Variants in PCLO observed in about 807,000 individuals in gnomAD.
The protein encoded by PCLO is protein piccolo.
Under a neutral mutation model 427.5 loss-of-function variants are expected in PCLO, and 82 were observed. The observed-to-expected ratio is 0.19, with a 90% confidence interval of 0.16 to 0.23. The LOEUF (loss-of-function observed/expected upper bound fraction) is 0.23, where lower values mean the gene tolerates loss of function less well. Ranked by LOEUF, PCLO falls within the 10% of genes least tolerant of loss-of-function variation. The probability of loss-of-function intolerance (pLI) is 1.00; values close to 1 mark genes in which losing one functional copy is unlikely to be tolerated. For missense variants in PCLO, 6,239 were observed against 6,115.9 expected (o/e 1.02, Z -0.67); for synonymous variants, 2,357 against 2,155.4 (o/e 1.09, Z -2.59).
rs373672367 is a variant in PCLO, at chr7:82,758,741, A to C, written c.15289-26T>G. 5 of 1,424,956 alleles carry C rather than the reference A, an allele frequency of 3.5e-6. No individual in the cohort carries two copies. The African/African-American group carries it at 5.7e-5, about 16-fold the overall frequency. The allele number at this position is 1,424,956 out of a possible 1,614,324, so 88.3% of individuals were successfully genotyped here. A position where few individuals can be genotyped will look rare whatever the true frequency, so the allele number is the denominator to read the frequency against. On this transcript the variant is annotated intron_variant, in intron 24 of 24. Coordinates refer to ENST00000333891, the MANE Select transcript of PCLO (RefSeq NM_033026.6). ...CTAGAAAAAATAGGCAAAAATAAAC[A>C]TATTTAATTTATACACATATACATG...
At chr7:82,798,321 G>A (rs2129468583) in intron 22 of PCLO, among the ~76,000 whole-genome samples, 1 of 152,204 alleles carries the variant, frequency 6.6e-6, no homozygotes, top group East Asian at 1.9e-4. Context: ...GGATTGAATG[G>A]AGGAAAAATA....
chr7:83,085,117 C>G (rs1385659769), intron 3 of PCLO, among the ~76,000 whole-genome samples: 1 of 152,106 alleles, frequency 6.6e-6, no homozygotes, highest in Non-Finnish European at 1.5e-5. Context: ...CAATGATGCA[C>G]AATTCATGCA....
At chr7:83,041,980 A>G (rs1229528780) in intron 3 of PCLO, among the ~76,000 whole-genome samples, 1 of 152,058 alleles carries the variant, frequency 6.6e-6, no homozygotes, top group African/African-American at 2.4e-5. Flanking sequence ...TTCTGGTGGA[A>G]CTCAGACTTT....
At chr7:82,819,398 A>G (rs927471121) in intron 20 of PCLO, among the ~76,000 whole-genome samples, 1 of 152,108 alleles carries the variant, frequency 6.6e-6, no homozygotes, top group Non-Finnish European at 1.5e-5. Flanking sequence ...TGTCATATAG[A>G]AACACTTAAG....
At position 82,915,153 on chromosome 7, in the gene PCLO, T is replaced by C; in HGVS notation, c.12833A>G (p.Glu4278Gly). 1 of 1,594,898 alleles carries C rather than the reference T, an allele frequency of 6.3e-7. No homozygotes were observed. Among genetic ancestry groups the C allele is most frequent in the Non-Finnish European group, 8.5e-7 (1 of 1,169,786 alleles). Residue 4278 changes from glutamate (E) to glycine (G), a missense_variant, in exon 7 of 25, where the codon GAA becomes GGA. By Grantham distance (98) the Glu-to-Gly change is moderately conservative (BLOSUM62 -2). Transcript: ENST00000333891. Reference protein sequence around the residue: ...GNTIRSALQDEADKPYSSGSR... With the variant: ...GNTIRSALQDGADKPYSSGSR... ...GCCACTACTGTATGGCTTATCCGCT[T>C]CATCCTGCAGAGCTGAGCGTATGGT...
Position 83,134,477 on chromosome 7 carries a change from T to G in PCLO, c.3073A>C (p.Lys1025Gln). ...CTATCCTTAATAGGTGGTGGCTTTT[T>G]TTCTGTTTCTGTTCTTTTTACTGTT... ...APTVKRTETE[K>Q]KPPPIKDSKS... The change falls in exon 3 of 25, where the codon AAA becomes CAA. Residue 1025 changes from lysine (K) to glutamine (Q), a missense_variant. By Grantham distance (53) the Lys-to-Gln change is moderately conservative (BLOSUM62 1). Transcript: ENST00000333891. 6.2e-7 allele frequency: 1 copy of G among 1,613,392 alleles called. No individual in the cohort carries two copies. The highest frequency in any genetic ancestry group is 8.5e-7 in the Non-Finnish European group (1 of 1,179,778).
intron 20 of PCLO, among the ~76,000 whole-genome samples, chr7:82,809,304 T>A (rs1460484626): frequency 6.6e-6 from 1 of 151,806 alleles, no homozygotes; most frequent in African/African-American, 2.4e-5. Context: ...GGAAGCCCTC[T>A]CAGTCCATTC....
intron 3 of PCLO, among the ~76,000 whole-genome samples, chr7:83,071,359 T>C (rs1424259044): frequency 6.6e-6 from 1 of 152,224 alleles, no homozygotes; most frequent in African/African-American, 2.4e-5. Context: ...TATGCGGTAC[T>C]ATTTTCTTTC....
Position 82,760,651 on chromosome 7 carries a change from T to C in PCLO, c.15276A>G (p.Gly5092=). ...AATACAGAGCTACCTGAAGAGAATGTCCTGCAGGACTTAGACTGAATCGAA... is the reference window on the plus strand; with the variant it reads ...AATACAGAGCTACCTGAAGAGAATGCCCTGCAGGACTTAGACTGAATCGAA... ...ETFRFSLSPA[G]HSLQILLFSN... Residue 5092 remains glycine, a synonymous_variant, in exon 24 of 25, where the codon GGA becomes GGG. Transcript: ENST00000333891. 6.3e-7 allele frequency: 1 copy of C among 1,596,310 alleles called. No individual in the cohort carries two copies. The highest frequency in any genetic ancestry group is 2.2e-5 in the East Asian group (1 of 44,530).
chr7:83,110,824 C>A (rs1043449053), intron 3 of PCLO, among the ~76,000 whole-genome samples: 1 of 152,170 alleles, frequency 6.6e-6, no homozygotes, highest in Non-Finnish European at 1.5e-5. Flanking sequence ...CCCTGTCAAA[C>A]CCATCTCCTC....
intron 1 of PCLO, among the ~76,000 whole-genome samples, chr7:83,158,263 A>C (rs1792348631): frequency 6.6e-6 from 1 of 152,114 alleles, no homozygotes. Context: ...AATAGTTCCA[A>C]GCTAGCTCTT....
intron 3 of PCLO, among the ~76,000 whole-genome samples, chr7:82,968,982 T>C (rs144695862): frequency 4.3e-4 from 65 of 152,260 alleles, no homozygotes; most frequent in Admixed American, 7.8e-4. Flanking sequence ...ACCAGAAATA[T>C]AGGTTTCATG....
In PCLO at chr7:82,966,119, T is replaced by G. The variant is rs10235352; in HGVS notation, c.3669A>C (p.Glu1223Asp). ...TTTCTTCAGAACGTATCTTTTCTTC[T>G]TCAGGGATTAGTTTTTTTTCTTCAG... The part of the protein sequence containing the change: ...PLPEEKKLIP[E>D]EEKIRSEEKK... The change falls in exon 4 of 25, where the codon GAA becomes GAC. Residue 1223 changes from glutamate (E) to aspartate (D), a missense_variant. Glu to Asp is a conservative substitution (Grantham distance 45). Coordinates refer to ENST00000333891, the MANE Select transcript of PCLO (RefSeq NM_033026.6). 6.2e-7 allele frequency: 1 copy of G among 1,606,200 alleles called. No individual in the cohort carries two copies. Among genetic ancestry groups the G allele is most frequent in the Non-Finnish European group, 8.5e-7 (1 of 1,178,078 alleles).
At chr7:82,965,022 C>G (rs947168291) in intron 4 of PCLO, among the ~76,000 whole-genome samples, 2 of 152,056 alleles carry the variant, frequency 1.3e-5, no homozygotes, top group South Asian at 4.1e-4. Context: ...AGATCTCTTA[C>G]AGCTCCAAAA....
At chr7:82,852,638 C>T (rs752234876) in intron 10 of PCLO, among the ~76,000 whole-genome samples, 1 of 152,096 alleles carries the variant, frequency 6.6e-6, no homozygotes, top group Non-Finnish European at 1.5e-5. Flanking sequence ...TTTCCTTGCT[C>T]CTCAACTTGC....
At chr7:83,024,039 G>C (rs1442077343) in intron 3 of PCLO, among the ~76,000 whole-genome samples, 1 of 152,174 alleles carries the variant, frequency 6.6e-6, no homozygotes, top group Non-Finnish European at 1.5e-5. Flanking sequence ...CTTTGGGCCA[G>C]TCACCATGCT....
intron 3 of PCLO, among the ~76,000 whole-genome samples, chr7:82,967,612 C>T (rs2115675235): frequency 6.6e-6 from 1 of 152,290 alleles, no homozygotes; most frequent in East Asian, 1.9e-4. Context: ...GGAGAGGAAA[C>T]AGGAGGACCT....
At chr7:83,033,579 T>C (rs76559849) in intron 3 of PCLO, among the ~76,000 whole-genome samples, 2 of 152,320 alleles carry the variant, frequency 1.3e-5, no homozygotes, top group Admixed American at 6.5e-5. Flanking sequence ...CCCTCCTCCA[T>C]GAAGCCTTTG....
At chr7:83,074,368 A>C (rs964711661) in intron 3 of PCLO, among the ~76,000 whole-genome samples, 14 of 152,090 alleles carry the variant, frequency 9.2e-5, no homozygotes, top group African/African-American at 3.4e-4. Flanking sequence ...AATTATTTGT[A>C]CTAAGGAATT....
Sources: gnomAD v4.1 joint callset for allele counts (sites outside exome capture counted in the v4.1 genomes callset) on GRCh38, gnomAD v4.1.1 for gene constraint, MANE v1.5 for transcripts, NCBI Gene and HGNC (gene_info 2026-07-23, HGNC 2026-07-21) for gene names.